CEP112: variants seen among roughly 807,000 people sequenced by gnomAD.
CEP112 encodes centrosomal protein of 112 kDa.
In CEP112, 127 loss-of-function variants were observed where a neutral mutation model predicts 153.0. That is an observed-to-expected ratio of 0.83 (90% CI 0.72 to 0.96). The LOEUF (loss-of-function observed/expected upper bound fraction) is 0.96. Among genes scored for constraint, CEP112 ranks in the 40% least tolerant of loss-of-function variants. The pLI is 0.00. For synonymous variants in CEP112, 358 were observed against 374.4 expected, an observed-to-expected ratio of 0.96 and a Z score of 0.51; for missense variants, 1,089 against 1,101.2, an observed-to-expected ratio of 0.99 and a Z score of 0.16.
chr17:66,124,335 T>C (rs767030373), intron 6 of CEP112, among the ~76,000 whole-genome samples: 1 of 152,258 alleles, frequency 6.6e-6, no homozygotes, highest in South Asian at 2.1e-4. Context: ...GGAACCTCAT[T>C]GCACTATTGT....
At chr17:65,968,726 T>C (rs548333378) in intron 17 of CEP112, among the ~76,000 whole-genome samples, 1 of 152,198 alleles carries the variant, frequency 6.6e-6, no homozygotes, top group African/African-American at 2.4e-5. Flanking sequence ...AAACTTAGAA[T>C]AGTTAAGTGA....
At position 65,812,830 on chromosome 17, in the gene CEP112, TA is replaced by T. The variant is rs555951938; in HGVS notation, c.2394+38973del. ...ATTTCTACAGATGCCAATGCAAAAT[TA>T]AAAAAAAGAAGTAACACGTTTAAAA... On this transcript the variant is annotated intron_variant, in intron 21 of 26. Transcript: ENST00000535342. Among the ~76,000 whole-genome samples, 3 of 151,990 alleles carry T rather than the reference TA, an allele frequency of 2.0e-5. No individual in the cohort carries two copies. The East Asian group carries it at 5.8e-4, about 29-fold the overall frequency.
At chr17:65,846,781 G>A (rs972114146) in intron 21 of CEP112, among the ~76,000 whole-genome samples, 10 of 152,112 alleles carry the variant, frequency 6.6e-5, no homozygotes, top group African/African-American at 2.4e-4. Flanking sequence ...GTGTTAGCCA[G>A]GATGGTCTCG....
intron 24 of CEP112, among the ~76,000 whole-genome samples, chr17:65,660,381 TCCTTCCTC>T (rs1162743725): frequency 3.3e-4 from 43 of 130,864 alleles, no homozygotes; most frequent in African/African-American, 1.3e-3. Context: ...CTTCCTTCCT[TCCTTCCTC>T]CCTCCCTCCC....
chr17:66,018,271 G>T (rs755088170), intron 16 of CEP112, among the ~76,000 whole-genome samples: 2 of 152,094 alleles, frequency 1.3e-5, no homozygotes, highest in Non-Finnish European at 2.9e-5. Flanking sequence ...GATTTAAGTA[G>T]CCATAAGCAC....
At chr17:66,154,866 C>CAATATT (rs1382067484) in intron 4 of CEP112, among the ~76,000 whole-genome samples, 2 of 152,286 alleles carry the variant, frequency 1.3e-5, no homozygotes, top group Non-Finnish European at 2.9e-5. Context: ...GCCATTATAA[C>CAATATT]AATATTAAGA....
At chr17:65,938,415 A>T (rs36028174) in intron 18 of CEP112, among the ~76,000 whole-genome samples, 61,896 of 131,824 alleles carry the variant, frequency 0.47, 15,455 homozygotes, top group East Asian at 0.88. Flanking sequence ...AATGATCAAT[A>T]AAAAAAAAAA....
chr17:65,681,874 T>C (rs1464446929), intron 24 of CEP112, among the ~76,000 whole-genome samples: 2 of 151,840 alleles, frequency 1.3e-5, no homozygotes, highest in African/African-American at 4.8e-5. Flanking sequence ...GAGACAGGGT[T>C]TCACCATGTT....
At chr17:65,757,311 C>T (rs2052348037) in intron 21 of CEP112, among the ~76,000 whole-genome samples, 1 of 152,100 alleles carries the variant, frequency 6.6e-6, no homozygotes, top group African/African-American at 2.4e-5. Context: ...GCAAATGATC[C>T]CCCAGGAACA....
chr17:66,101,953 G>C (rs1156923765), intron 6 of CEP112, among the ~76,000 whole-genome samples: 3 of 152,052 alleles, frequency 2.0e-5, no homozygotes, highest in Non-Finnish European at 4.4e-5. Flanking sequence ...TTAGAAAGAA[G>C]AGATGGCTAT....
intron 20 of CEP112, among the ~76,000 whole-genome samples, chr17:65,871,280 C>T (rs72831460): frequency 0.062 from 9,422 of 152,212 alleles, 353 homozygotes; most frequent in South Asian, 0.12. Flanking sequence ...TGACTTCTAA[C>T]GGCATTTCCC....
rs35031035 is a variant in CEP112, at chr17:66,000,344, CT to C, written c.1736+5345del. 4.3e-3 allele frequency among the ~76,000 whole-genome samples: 628 copies of C among 146,946 alleles called. 3 individuals carry two copies. Among genetic ancestry groups the C allele is most frequent in the South Asian group, 8.1e-3 (37 of 4,590 alleles). On this transcript the variant is annotated intron_variant, in intron 17 of 26. Transcript: ENST00000535342. ...GATGTTGAGCTTTTTTGCTTTTTTG[CT>C]TTTTTTTTTAAACTGTTAAGAAAGT...
intron 24 of CEP112, among the ~76,000 whole-genome samples, chr17:65,684,317 C>G (rs920546248): frequency 2.6e-5 from 4 of 152,082 alleles, no homozygotes; most frequent in African/African-American, 9.7e-5. Flanking sequence ...TTTTTTCTCA[C>G]TAATTTGTTT....
chr17:65,840,446 C>A (rs1436771374), intron 21 of CEP112, among the ~76,000 whole-genome samples: 1 of 151,974 alleles, frequency 6.6e-6, no homozygotes, highest in Non-Finnish European at 1.5e-5. Context: ...AAACTGGATA[C>A]CCATATTTAG....
chr17:66,148,050 A>G (rs2070998137), intron 4 of CEP112, among the ~76,000 whole-genome samples: 1 of 152,226 alleles, frequency 6.6e-6, no homozygotes, highest in Admixed American at 6.5e-5. Flanking sequence ...CTGCTGATAA[A>G]GACATACCCA....
At chr17:65,982,657 T>C (rs1368107933) in intron 17 of CEP112, among the ~76,000 whole-genome samples, 1 of 152,226 alleles carries the variant, frequency 6.6e-6, no homozygotes, top group East Asian at 1.9e-4. Context: ...TGGAGACCAA[T>C]ACTGAAAGCC....
At chr17:66,085,973 C>G (rs2067909997) in intron 8 of CEP112, among the ~76,000 whole-genome samples, 1 of 108,272 alleles carries the variant, frequency 9.2e-6, no homozygotes, top group South Asian at 3.8e-4. Context: ...GAGCGAGACT[C>G]CGTCTCAAAA....
chr17:65,731,216 G>A (rs185346936), intron 23 of CEP112, among the ~76,000 whole-genome samples: 49 of 152,056 alleles, frequency 3.2e-4, no homozygotes, highest in Non-Finnish European at 4.7e-4. Flanking sequence ...GGCATACCGC[G>A]GAGATACTCC....
chr17:66,132,573 A>C lies in CEP112; in HGVS notation c.564+97T>G. 4.8e-6 allele frequency: 4 copies of C among 837,566 alleles called. 1 individual carries two copies. The South Asian group carries it at 6.0e-5, about 13-fold the overall frequency. 51.9% of individuals were successfully genotyped at this position (837,566 alleles called of 1,614,324 possible). On this transcript the variant is annotated intron_variant, in intron 5 of 26. Coordinates refer to ENST00000535342, the MANE Select transcript of CEP112 (RefSeq NM_001199165.4). ...AATCATCCAACTTTATTCTGTTTTG[A>C]AGCAATCATTGGTACTTCAACAAAT...
Sources: allele counts gnomAD v4.1 joint callset (sites outside exome capture counted in the v4.1 genomes callset), GRCh38; gene constraint gnomAD v4.1.1; transcripts MANE v1.5; gene names NCBI Gene and HGNC (gene_info 2026-07-23, HGNC 2026-07-21).